The following SERINC2 variants were observed in gnomAD, a reference collection of about 807,000 sequenced individuals.
SERINC2 encodes serine incorporator 2.
Under a neutral mutation model 54.2 loss-of-function variants are expected in SERINC2, and 56 were observed. The observed-to-expected ratio is 1.03, with a 90% CI of 0.83 to 1.29. SERINC2 has a LOEUF of 1.29. Among genes scored for constraint, SERINC2 ranks in the 50% most tolerant of loss-of-function variants. SERINC2 has a pLI of 0.00. For missense variants in SERINC2, 614 were observed against 607.4 expected, an observed-to-expected ratio of 1.01 and a Z score of -0.12; for synonymous variants, 272 against 253.1, an observed-to-expected ratio of 1.07 and a Z score of -0.71.
chr1:31,421,548 G>A (rs1257100512), intron 1 of SERINC2, among the ~76,000 whole-genome samples: 1 of 152,226 alleles, frequency 6.6e-6, no homozygotes, highest in Non-Finnish European at 1.5e-5. Context: ...CGAGAGATAG[G>A]CGAGGAGCAT....
At position 31,413,542 on chromosome 1, in the gene SERINC2, G is replaced by C. The variant is rs1553131782; in HGVS notation, c.39+238G>C. ...GCCGGGCAGCTGCGGTCCCGGCTCG[G>C]GTTTCCGCGGGCAGGAGGGGAGTGC... On this transcript the variant is annotated intron_variant, in intron 1 of 9. Coordinates refer to ENST00000373709, the MANE Select transcript of SERINC2 (RefSeq NM_178865.5). This position sits in a 1 kb window ranked among gnomAD's most constrained non-coding sequence, Gnocchi z 5.0. 6.6e-6 allele frequency among the ~76,000 whole-genome samples: 1 copy of C among 151,980 alleles called. No individual in the cohort carries two copies. The highest frequency in any genetic ancestry group is 1.5e-5 in the Non-Finnish European group (1 of 67,928).
At chr1:31,414,750 T>G (rs1004477987) in intron 1 of SERINC2, 4 of 985,332 alleles carry the variant, frequency 4.1e-6, no homozygotes, top group Non-Finnish European at 4.8e-6. Context: ...GCTTCCACAG[T>G]GGACCTGATT....
intron 9 of SERINC2, 36 bp from the exon 10 acceptor site, chr1:31,434,028 G>A: frequency 1.2e-6 from 2 of 1,607,128 alleles, no homozygotes; most frequent in Non-Finnish European, 1.7e-6. Flanking sequence ...TCACCAGACT[G>A]GGCACCAGGC....
At chr1:31,430,514 T>C (rs1330748842) in intron 8 of SERINC2, among the ~76,000 whole-genome samples, 1 of 151,448 alleles carries the variant, frequency 6.6e-6, no homozygotes, top group Non-Finnish European at 1.5e-5. Context: ...AAAAAAAGGT[T>C]TTGTAATTAG....
At chr1:31,426,363 G>A (rs1473214765) in intron 5 of SERINC2, among the ~76,000 whole-genome samples, 3 of 152,166 alleles carry the variant, frequency 2.0e-5, no homozygotes, top group East Asian at 1.9e-4. Flanking sequence ...TCTCAGACAG[G>A]GAGGGCAGGT....
chr1:31,418,734 C>G (rs369054178), intron 1 of SERINC2, among the ~76,000 whole-genome samples: 3 of 152,290 alleles, frequency 2.0e-5, no homozygotes, highest in East Asian at 3.9e-4. Context: ...CTTACCCACC[C>G]AACACCCTAT....
At position 31,434,421 on chromosome 1, in the gene SERINC2, C is replaced by T. The variant is rs1400432987; in HGVS notation, c.*222C>T. 3.0e-5 allele frequency: 17 copies of T among 570,692 alleles called. No individual in the cohort carries two copies. The highest frequency in any genetic ancestry group is 4.7e-4 in the Middle Eastern group (1 of 2,142). 35.4% of individuals were successfully genotyped at this position (570,692 alleles called of 1,614,324 possible). ...GCCCCATCCCCCCGCCACACCCACA[C>T]GGTGGAGCTGCCTCTTCCTTCCCCT... On this transcript the variant is annotated 3_prime_UTR_variant, in exon 10 of 10. Coordinates refer to ENST00000373709, the MANE Select transcript of SERINC2 (RefSeq NM_178865.5).
chr1:31,410,031 G>C (rs1640622673), upstream of SERINC2: 3 of 930,530 alleles, frequency 3.2e-6, no homozygotes, highest in African/African-American at 5.0e-5. Context: ...ATCTGTCTGG[G>C]CTGGGTGATG....
Position 31,433,170 on chromosome 1 carries a change from T to C in SERINC2, c.1217T>C (p.Leu406Pro), listed in dbSNP as rs1225688259. The change falls in exon 9 of 10, where the codon CTC (leucine) becomes CCC (proline). Residue 406 changes from leucine to proline, a missense_variant. By Grantham distance (98) the Leu-to-Pro change is moderately conservative. Transcript: ENST00000373709. ...VLASLHVMMT[L>P]TNWYKPGETR... ...GCCTCACTGCACGTCATGATGACGC[T>C]CACCAACTGGTACAAGTGCGTAGCT... is the stretch of plus-strand genomic sequence containing the variant. 6.2e-7 allele frequency: 1 copy of C among 1,613,498 alleles called. No individual in the cohort carries two copies. Among genetic ancestry groups the C allele is most frequent in the Admixed American group, 1.7e-5 (1 of 59,994 alleles).
chr1:31,424,027 A>T (rs1553133155), intron 2 of SERINC2, among the ~76,000 whole-genome samples, 173 bp downstream of exon 2: 1 of 151,930 alleles, frequency 6.6e-6, no homozygotes, highest in Non-Finnish European at 1.5e-5. Flanking sequence ...TCTTGGGGGG[A>T]TTCTTCTTTC....
chr1:31,429,104 C>T (rs782530892), intron 7 of SERINC2, 36 bp downstream of exon 7: 21 of 1,555,682 alleles, frequency 1.3e-5, no homozygotes, highest in Non-Finnish European at 1.4e-5. Flanking sequence ...GGCCTGGCCT[C>T]GTTCCTGGGT....
chr1:31,414,233 C>G (rs915738417), intron 1 of SERINC2: 15 of 1,345,644 alleles, frequency 1.1e-5, no homozygotes, highest in South Asian at 9.4e-5. Flanking sequence ...AGCAAGACCC[C>G]GGCTGGGAGG....
intron 9 of SERINC2, 63 bp downstream of exon 9, chr1:31,433,248 C>A: frequency 7.2e-7 from 1 of 1,395,432 alleles, no homozygotes; most frequent in Non-Finnish European, 1.0e-6. Flanking sequence ...ACACATCTCT[C>A]CTGCGGCCCT....
At chr1:31,417,751 A>C (rs1230121499) in intron 1 of SERINC2, among the ~76,000 whole-genome samples, 3 of 151,628 alleles carry the variant, frequency 2.0e-5, no homozygotes, top group East Asian at 1.9e-4. Flanking sequence ...TCTCCATCTA[A>C]GTGGAGTCAT....
intron 8 of SERINC2, among the ~76,000 whole-genome samples, chr1:31,430,259 C>T (rs1195938713): frequency 6.6e-6 from 1 of 151,764 alleles, no homozygotes; most frequent in African/African-American, 2.4e-5. Context: ...ACACCTGTAA[C>T]CCCCAGCACT....
At position 31,413,308 on chromosome 1, in the gene SERINC2, A is replaced by T; in HGVS notation, c.39+4A>T. The T allele has an allele frequency of 7.9e-7, 1 of 1,266,960 alleles. No individual in the cohort carries two copies. The highest frequency in any genetic ancestry group is 3.9e-5 in the Admixed American group (1 of 25,844). 78.5% of individuals were successfully genotyped at this position (1,266,960 alleles called of 1,614,324 possible). A position where few individuals can be genotyped will look rare whatever the true frequency, so the allele number is the denominator to read the frequency against. On this transcript the variant is annotated splice_donor_region_variant and intron_variant, in intron 1 of 9. Transcript: ENST00000373709. The surrounding 1 kb of genome is among the most constrained non-coding windows in gnomAD (Gnocchi z 5.0). ...AGCCTGCTCCCTGCTCAGCTGCGTG[A>T]GTCCCGACCCCGGCGCCCGCCCGCG...
At chr1:31,416,528 T>C (rs782265457) in intron 1 of SERINC2, among the ~76,000 whole-genome samples, 138 of 152,074 alleles carry the variant, frequency 9.1e-4, no homozygotes, top group Admixed American at 5.9e-4. Flanking sequence ...GCTGACCTCT[T>C]CTCTGCTGTG....
intron 6 of SERINC2, among the ~76,000 whole-genome samples, chr1:31,428,031 AT>A (rs1455405136): frequency 7.1e-6 from 1 of 141,058 alleles, no homozygotes; most frequent in East Asian, 2.1e-4. Context: ...CCAGCCTAAA[AT>A]TTTTTTTGTT....
At chr1:31,414,306 G>A in intron 1 of SERINC2, 1 of 1,295,766 alleles carries the variant, frequency 7.7e-7, no homozygotes, top group Non-Finnish European at 9.7e-7. Flanking sequence ...TTAAATCTGA[G>A]GTTCATTCAG....
Sources: allele counts gnomAD v4.1 joint callset (sites outside exome capture counted in the v4.1 genomes callset), GRCh38; gene constraint gnomAD v4.1.1; non-coding constraint Gnocchi (gnomAD v3.1); transcripts MANE v1.5; gene names NCBI Gene and HGNC (gene_info 2026-07-23, HGNC 2026-07-21).